AOAH: variants seen among roughly 807,000 people sequenced by gnomAD.
AOAH encodes the protein acyloxyacyl hydrolase.
Under a neutral mutation model 92.2 loss-of-function variants are expected in AOAH, and 64 were observed. The observed-to-expected ratio is 0.69, with a 90% CI of 0.57 to 0.86. The LOEUF (loss-of-function observed/expected upper bound fraction) is 0.86, where lower values mean the gene tolerates loss of function less well. Ranked by LOEUF, AOAH falls within the 40% of genes least tolerant of loss-of-function variation. AOAH has a pLI of 0.00. For missense variants in AOAH, 656 were observed against 694.6 expected (o/e 0.94, Z 0.62); for synonymous variants, 263 against 254.5 (o/e 1.03, Z -0.32).
At chr7:36,532,421 C>T (rs1784752228) in intron 16 of AOAH, 77 bp from the exon 17 acceptor site, 3 of 1,364,828 alleles carry the variant, frequency 2.2e-6, no homozygotes, top group East Asian at 2.3e-5. Context: ...GGCTTCCCTG[C>T]CTCCCTTGCA....
chr7:36,622,036 T>A (rs1792320239), intron 7 of AOAH, among the ~76,000 whole-genome samples: 1 of 152,126 alleles, frequency 6.6e-6, no homozygotes, highest in African/African-American at 2.4e-5. Context: ...AATGTATGTG[T>A]GTGTGTGTGA....
intron 1 of AOAH, among the ~76,000 whole-genome samples, chr7:36,704,190 G>A (rs1285742130): frequency 1.3e-5 from 2 of 151,844 alleles, no homozygotes; most frequent in African/African-American, 4.8e-5. Context: ...CCCACTTTTT[G>A]ATGGGGTTGT....
intron 5 of AOAH, among the ~76,000 whole-genome samples, chr7:36,632,395 G>A (rs190683939): frequency 1.9e-4 from 29 of 152,244 alleles, no homozygotes; most frequent in Admixed American, 1.2e-3. Context: ...TTCCAGGAGG[G>A]TCCGGCAACA....
rs1797045042 is a variant in AOAH, at chr7:36,686,798, C to T, written c.128-4G>A. The T allele has an allele frequency of 2.6e-6, 4 of 1,529,042 alleles. No homozygotes were observed. The highest frequency in any genetic ancestry group is 2.5e-5 in the East Asian group (1 of 40,068). 94.7% of individuals were successfully genotyped at this position (1,529,042 alleles called of 1,614,324 possible). ...ACAGACACCACCAGCACACACCCTG[C>T]CAGGGAGGAGAAGAACATGTAATCT... On this transcript the variant is annotated splice_region_variant and splice_polypyrimidine_tract_variant and intron_variant, in intron 1 of 20. Coordinates refer to ENST00000617537, the MANE Select transcript of AOAH (RefSeq NM_001637.4).
chr7:36,587,659 A>G (rs1353534244), intron 12 of AOAH, among the ~76,000 whole-genome samples: 46 of 152,204 alleles, frequency 3.0e-4, no homozygotes, highest in Non-Finnish European at 2.9e-5. Flanking sequence ...TAATATTGCT[A>G]CATATCACAT....
intron 4 of AOAH, among the ~76,000 whole-genome samples, chr7:36,642,510 C>A (rs1793980317): frequency 1.3e-5 from 2 of 152,198 alleles, no homozygotes; most frequent in Admixed American, 1.3e-4. Flanking sequence ...AACTGTCAGA[C>A]AATTGCTTTC....
intron 1 of AOAH, among the ~76,000 whole-genome samples, chr7:36,687,441 A>C (rs1182699048): frequency 6.6e-6 from 1 of 152,050 alleles, no homozygotes; most frequent in South Asian, 2.1e-4. Flanking sequence ...TTACTTTGAT[A>C]TGTGGTAAGT....
intron 16 of AOAH, among the ~76,000 whole-genome samples, chr7:36,535,082 G>A (rs1784954608): frequency 8.7e-6 from 1 of 115,468 alleles, no homozygotes. Context: ...GTGTGTCTGT[G>A]TCTCTGTGTG....
intron 19 of AOAH, among the ~76,000 whole-genome samples, chr7:36,526,194 T>C (rs1784388713): frequency 6.6e-6 from 1 of 152,176 alleles, no homozygotes; most frequent in South Asian, 2.1e-4. Context: ...AATAATACAA[T>C]AGGTGTTAAA....
intron 11 of AOAH, among the ~76,000 whole-genome samples, chr7:36,608,163 G>A (rs1276845361): frequency 1.3e-5 from 2 of 152,180 alleles, no homozygotes; most frequent in African/African-American, 2.4e-5. Context: ...TCCCCATGGG[G>A]GTGTCCAACA....
At chr7:36,632,667 GA>G (rs1423381971) in intron 5 of AOAH, among the ~76,000 whole-genome samples, 12 of 152,172 alleles carry the variant, frequency 7.9e-5, no homozygotes, top group Admixed American at 2.0e-4. Context: ...AGTGCTTTTA[GA>G]AACATTGCAG....
At chr7:36,645,660 G>T (rs7812033) in intron 4 of AOAH, among the ~76,000 whole-genome samples, 61,669 of 151,908 alleles carry the variant, frequency 0.41, 13,461 homozygotes, top group African/African-American at 0.55. Context: ...TACTCAAGAT[G>T]TAGCTCTATC....
chr7:36,590,944 A>G (rs1172273917), intron 12 of AOAH, among the ~76,000 whole-genome samples: 1 of 152,230 alleles, frequency 6.6e-6, no homozygotes, highest in East Asian at 1.9e-4. Flanking sequence ...ATTATCTGTG[A>G]ATATAATTTA....
At chr7:36,559,255 G>T (rs1480615369) in intron 13 of AOAH, among the ~76,000 whole-genome samples, 2 of 152,088 alleles carry the variant, frequency 1.3e-5, no homozygotes, top group African/African-American at 4.8e-5. Flanking sequence ...TTTTCTTTTG[G>T]GTATATACCC....
At position 36,724,134 on chromosome 7, in the gene AOAH, C is replaced by G; in HGVS notation, c.15G>C (p.Trp5Cys). The G allele has an allele frequency of 1.2e-6, 2 of 1,613,334 alleles. No homozygotes were observed. Among genetic ancestry groups the G allele is most frequent in the Non-Finnish European group, 8.5e-7 (1 of 1,179,514 alleles). Residue 5 changes from tryptophan to cysteine, a missense_variant, in exon 1 of 21, where the codon TGG becomes TGC. Physicochemically the swap from Trp to Cys is radical, Grantham distance 215. Transcript: ENST00000617537. MQSP[W>C]KILTVAPLFL... ...ATAGAGGCGCCACCGTAAGGATTTTCCAGGGGGACTGCATCTCCGAGCTAT... is the reference window on the plus strand; with the variant it reads ...ATAGAGGCGCCACCGTAAGGATTTTGCAGGGGGACTGCATCTCCGAGCTAT...
chr7:36,650,109 GGAAGCGGCCCACCACCGTC>G, intron 4 of AOAH, among the ~76,000 whole-genome samples: 1 of 5,800 alleles, frequency 1.7e-4, no homozygotes, highest in Non-Finnish European at 2.8e-4. Flanking sequence ...CTGCCATCTT[GGAAGCGGCCCACCACCGTC>G]TTGGAAGCGG....
At chr7:36,702,847 T>C (rs1798115742) in intron 1 of AOAH, among the ~76,000 whole-genome samples, 1 of 152,158 alleles carries the variant, frequency 6.6e-6, no homozygotes, top group African/African-American at 2.4e-5. Context: ...ACTCTCCCTT[T>C]CATGGAAGAT....
chr7:36,537,879 G>A (rs1470835808), intron 16 of AOAH, among the ~76,000 whole-genome samples: 1 of 152,074 alleles, frequency 6.6e-6, no homozygotes, highest in Non-Finnish European at 1.5e-5. Context: ...GGGTGAGTGG[G>A]TTGCCCCCAG....
chr7:36,549,130 A>C (rs1390080556), intron 14 of AOAH, among the ~76,000 whole-genome samples: 2 of 152,192 alleles, frequency 1.3e-5, no homozygotes, highest in Non-Finnish European at 2.9e-5. Context: ...CTTGCTTCTG[A>C]ATTTCAAGCC....
Sources: allele counts gnomAD v4.1 joint callset (sites outside exome capture counted in the v4.1 genomes callset), GRCh38; gene constraint gnomAD v4.1.1; transcripts MANE v1.5; gene names NCBI Gene and HGNC (gene_info 2026-07-23, HGNC 2026-07-21).